The following CNTNAP2 variants were observed in gnomAD, a reference collection of about 807,000 sequenced individuals.
CNTNAP2 encodes the protein contactin associated protein 2.
Under a neutral mutation model 155.2 loss-of-function variants are expected in CNTNAP2, and 98 were observed. The observed-to-expected ratio is 0.63, with a 90% CI of 0.54 to 0.75. The LOEUF (loss-of-function observed/expected upper bound fraction) is 0.75, where lower values mean the gene tolerates loss of function less well. Ranked by LOEUF, CNTNAP2 falls within the 30% of genes least tolerant of loss-of-function variation. The probability of loss-of-function intolerance (pLI) is 0.00; values close to 1 mark genes in which losing one functional copy is unlikely to be tolerated. For synonymous variants in CNTNAP2, 651 were observed against 631.2 expected, an observed-to-expected ratio of 1.03 and a Z score of -0.47; for missense variants, 1,727 against 1,688.1, an observed-to-expected ratio of 1.02 and a Z score of -0.40.
chr7:148,022,825 T>C (rs1802308769), intron 15 of CNTNAP2, among the ~76,000 whole-genome samples: 1 of 152,102 alleles, frequency 6.6e-6, no homozygotes, highest in South Asian at 2.1e-4. Flanking sequence ...CGATCATCAG[T>C]GCTAGGAAAA....
intron 21 of CNTNAP2, among the ~76,000 whole-genome samples, chr7:148,322,655 T>G (rs1184083986): frequency 6.6e-6 from 1 of 152,226 alleles, no homozygotes; most frequent in Non-Finnish European, 1.5e-5. Flanking sequence ...AACATTCTTT[T>G]GAGCTATCCA....
chr7:147,761,332 A>G (rs769658940), intron 13 of CNTNAP2, among the ~76,000 whole-genome samples: 34 of 152,158 alleles, frequency 2.2e-4, no homozygotes, highest in Non-Finnish European at 4.6e-4. Flanking sequence ...CTTTAAGCCT[A>G]ATCACTTTCC....
intron 10 of CNTNAP2, among the ~76,000 whole-genome samples, chr7:147,441,873 C>T (rs1317260499): frequency 1.4e-5 from 2 of 147,478 alleles, no homozygotes; most frequent in East Asian, 4.2e-4. Context: ...CCCTCCCTCC[C>T]TCCCTCCGTC....
chr7:146,366,258 AT>A (rs11288251), intron 1 of CNTNAP2, among the ~76,000 whole-genome samples: 69,006 of 151,698 alleles, frequency 0.45, 17,682 homozygotes, highest in African/African-American at 0.69. Context: ...TCTTAAAATA[AT>A]TTTTTTTATC....
Position 148,204,475 on chromosome 7 carries a change from T to C in CNTNAP2, c.3011-12813T>C, listed in dbSNP as rs527261755. 7.9e-5 allele frequency among the ~76,000 whole-genome samples: 12 copies of C among 152,378 alleles called. No homozygotes were observed. The East Asian group carries it at 1.9e-3, about 24-fold the overall frequency. On this transcript the variant is annotated intron_variant, in intron 18 of 23. Transcript: ENST00000361727. ...TTGAATTTCAGAACACATATGGGAA[T>C]GTCATCAACTTCGACTTTGAAATGT... is the stretch of plus-strand genomic sequence containing the variant.
chr7:147,979,393 C>T (rs1801484735), intron 15 of CNTNAP2, among the ~76,000 whole-genome samples: 1 of 152,106 alleles, frequency 6.6e-6, no homozygotes, highest in Non-Finnish European at 1.5e-5. Context: ...AAATGAAATA[C>T]AGTGTTGCTC....
chr7:146,825,280 T>C (rs930911424), intron 2 of CNTNAP2, among the ~76,000 whole-genome samples: 3 of 152,110 alleles, frequency 2.0e-5, no homozygotes, highest in East Asian at 1.9e-4. Context: ...TAGTTAGTCA[T>C]TGAAGTAGCT....
intron 10 of CNTNAP2, among the ~76,000 whole-genome samples, chr7:147,452,770 C>T (rs1797855797): frequency 6.6e-6 from 1 of 151,960 alleles, no homozygotes; most frequent in African/African-American, 2.4e-5. Context: ...CCCTAGCTTA[C>T]TGCCTGATAT....
At chr7:146,990,089 A>AAG (rs144842643) in intron 3 of CNTNAP2, among the ~76,000 whole-genome samples, 1 of 152,084 alleles carries the variant, frequency 6.6e-6, no homozygotes, top group Non-Finnish European at 1.5e-5. Flanking sequence ...ATAAAAAAAA[A>AAG]GGGGTTGAGG....
At chr7:147,259,868 A>G (rs1166438491) in intron 8 of CNTNAP2, among the ~76,000 whole-genome samples, 1 of 152,190 alleles carries the variant, frequency 6.6e-6, no homozygotes, top group South Asian at 2.1e-4. Context: ...AAAAAGATTG[A>G]TAACATAAAT....
At chr7:146,426,633 A>AG (rs908831321) in intron 1 of CNTNAP2, among the ~76,000 whole-genome samples, 18 of 149,826 alleles carry the variant, frequency 1.2e-4, no homozygotes, top group Admixed American at 6.6e-5. Flanking sequence ...TAAAAAAAAA[A>AG]AAAAAGCAAA....
At chr7:146,809,036 AGATATCCCTTCAACATACT>A (rs1803017979) in intron 2 of CNTNAP2, among the ~76,000 whole-genome samples, 2 of 152,202 alleles carry the variant, frequency 1.3e-5, no homozygotes, top group African/African-American at 4.8e-5. Context: ...ATAAAAATGC[AGATATCCCTTCAACATACT>A]GATTTCAGTT....
intron 13 of CNTNAP2, among the ~76,000 whole-genome samples, chr7:147,736,418 T>C (rs10244222): frequency 0.067 from 10,189 of 152,228 alleles, 1,076 homozygotes; most frequent in African/African-American, 0.23. Flanking sequence ...CTTCCCTTTG[T>C]GGGTAACCCG....
intron 1 of CNTNAP2, among the ~76,000 whole-genome samples, chr7:146,549,870 C>T (rs1285743297): frequency 6.6e-6 from 1 of 152,006 alleles, no homozygotes; most frequent in East Asian, 1.9e-4. Context: ...ATATCAACCT[C>T]CCTGTCAAGG....
chr7:147,102,189 C>G (rs1481697435), intron 4 of CNTNAP2, among the ~76,000 whole-genome samples: 1 of 147,708 alleles, frequency 6.8e-6, no homozygotes, highest in Non-Finnish European at 1.5e-5. Context: ...ATCATTGCAC[C>G]TCAAATGAAC....
At chr7:146,429,593 C>T (rs1331430813) in intron 1 of CNTNAP2, among the ~76,000 whole-genome samples, 1 of 152,044 alleles carries the variant, frequency 6.6e-6, no homozygotes, top group Non-Finnish European at 1.5e-5. Context: ...TGAGACTTTG[C>T]TGAAGTTGTT....
chr7:147,176,985 A>G (rs1802361229), intron 8 of CNTNAP2, among the ~76,000 whole-genome samples: 1 of 139,486 alleles, frequency 7.2e-6, no homozygotes, highest in Non-Finnish European at 1.5e-5. Flanking sequence ...AAAATTATAG[A>G]TATAATTCTA....
At chr7:146,956,233 A>T (rs184189913) in intron 3 of CNTNAP2, among the ~76,000 whole-genome samples, 1 of 152,274 alleles carries the variant, frequency 6.6e-6, no homozygotes, top group East Asian at 1.9e-4. Flanking sequence ...GGAAACCTTC[A>T]GAGATATTCT....
intron 8 of CNTNAP2, among the ~76,000 whole-genome samples, chr7:147,227,054 A>AAT (rs1483241461): frequency 6.6e-6 from 1 of 152,180 alleles, no homozygotes; most frequent in African/African-American, 2.4e-5. Flanking sequence ...AGGGGAGTGA[A>AAT]ATATACTGGG....
Sources: allele counts gnomAD v4.1 joint callset (sites outside exome capture counted in the v4.1 genomes callset), GRCh38; gene constraint gnomAD v4.1.1; transcripts MANE v1.5; gene names NCBI Gene and HGNC (gene_info 2026-07-23, HGNC 2026-07-21).